Variants in TUSC3 observed in about 807,000 individuals in gnomAD.
TUSC3 encodes the protein dolichyl-diphosphooligosaccharide--protein glycosyltransferase subunit TUSC3.
Under a neutral mutation model 44.8 loss-of-function variants are expected in TUSC3, and 45 were observed. The ratio of observed to expected loss-of-function variants is 1.00; its 90% CI spans 0.79 to 1.29. The LOEUF (loss-of-function observed/expected upper bound fraction) is 1.29, where lower values mean the gene tolerates loss of function less well. Ranked by LOEUF, TUSC3 falls within the 50% of genes most tolerant of loss-of-function variation. The pLI is 0.00. For missense variants in TUSC3, 519 were observed against 437.9 expected (o/e 1.19, Z -1.65); for synonymous variants, 212 against 152.9 (o/e 1.39, Z -2.85).
chr8:15,669,771 A>G (rs897453004), intron 5 of TUSC3, among the ~76,000 whole-genome samples: 1 of 151,776 alleles, frequency 6.6e-6, no homozygotes, highest in African/African-American at 2.4e-5. Context: ...TTCCTGAGAT[A>G]AGGAATAATA....
intron 1 of TUSC3, among the ~76,000 whole-genome samples, chr8:15,447,836 C>A (rs78250693): frequency 1.3e-5 from 2 of 151,132 alleles, no homozygotes; most frequent in African/African-American, 4.9e-5. Flanking sequence ...CATGCGAGAA[C>A]CCATAAAAAC....
intron 1 of TUSC3, among the ~76,000 whole-genome samples, chr8:15,435,049 C>G (rs1170562010): frequency 6.8e-6 from 1 of 147,904 alleles, no homozygotes; most frequent in Non-Finnish European, 1.5e-5. Context: ...GGGTATATAC[C>G]CAGTAATGGG....
the TUSC3 span, among the ~76,000 whole-genome samples, chr8:15,833,205 A>G: frequency 6.6e-6 from 1 of 152,156 alleles, no homozygotes; most frequent in Non-Finnish European, 1.5e-5. Flanking sequence ...AAAGTCAAAA[A>G]ATAACAGGTG....
intron 7 of TUSC3, among the ~76,000 whole-genome samples, chr8:15,742,141 G>A (rs2129213775): frequency 6.6e-6 from 1 of 152,202 alleles, no homozygotes; most frequent in Admixed American, 6.5e-5. Context: ...TGATTGAAAG[G>A]CAGGAATTTC....
intron 1 of TUSC3, among the ~76,000 whole-genome samples, chr8:15,428,200 A>G (rs1338935355): frequency 7.2e-6 from 1 of 137,954 alleles, no homozygotes; most frequent in Non-Finnish European, 1.5e-5. Context: ...ATTCCCACCT[A>G]TGAGTGAGAA....
chr8:15,825,100 C>T, the TUSC3 span, among the ~76,000 whole-genome samples: 1 of 152,066 alleles, frequency 6.6e-6, no homozygotes, highest in Non-Finnish European at 1.5e-5. Flanking sequence ...TTCAGGTGCT[C>T]CTGATATTTA....
chr8:15,418,922 C>T (rs1175917640), intron 1 of TUSC3, among the ~76,000 whole-genome samples: 1 of 152,140 alleles, frequency 6.6e-6, no homozygotes, highest in Non-Finnish European at 1.5e-5. Context: ...AGGAGGATCA[C>T]ATGAGCCCTG....
chr8:15,543,970 T>C (rs990356476), intron 1 of TUSC3, among the ~76,000 whole-genome samples: 10 of 152,054 alleles, frequency 6.6e-5, no homozygotes, highest in Non-Finnish European at 1.2e-4. Flanking sequence ...CATACACATA[T>C]GCTTCTTCGT....
intron 1 of TUSC3, among the ~76,000 whole-genome samples, chr8:15,446,172 C>T (rs1034579201): frequency 2.9e-4 from 43 of 149,750 alleles, no homozygotes; most frequent in African/African-American, 8.2e-4. Flanking sequence ...CCAGACGGGG[C>T]ATCGGGGCAG....
intron 4 of TUSC3, 30 bp from the exon 5 acceptor site, chr8:15,662,126 A>T (rs781352586): frequency 1.2e-6 from 2 of 1,611,602 alleles, no homozygotes; most frequent in Non-Finnish European, 1.7e-6. Flanking sequence ...TTTTTCTTTC[A>T]TTTTTGAAAT....
At chr8:15,531,923 CT>C (rs1426395510) in intron 2 of TUSC3, among the ~76,000 whole-genome samples, 1 of 152,110 alleles carries the variant, frequency 6.6e-6, no homozygotes, top group Non-Finnish European at 1.5e-5. Flanking sequence ...AGGAAAGAAA[CT>C]GTCATGAAAT....
chr8:15,460,787 T>C (rs748410459), intron 1 of TUSC3, among the ~76,000 whole-genome samples: 3 of 152,128 alleles, frequency 2.0e-5, no homozygotes, highest in Non-Finnish European at 4.4e-5. Context: ...GAAAAGGGTG[T>C]CGTTTCCCCC....
chr8:15,769,645 C>G (rs1812407099), downstream of TUSC3, among the ~76,000 whole-genome samples: 1 of 152,234 alleles, frequency 6.6e-6, no homozygotes, highest in South Asian at 2.1e-4. Flanking sequence ...AACAGACAAC[C>G]TACAGAATGG....
At chr8:15,838,302 G>A in the TUSC3 span, among the ~76,000 whole-genome samples, 1 of 152,106 alleles carries the variant, frequency 6.6e-6, no homozygotes, top group Non-Finnish European at 1.5e-5. Context: ...GATTCATTTT[G>A]CACCCCATAC....
chr8:15,605,167 G>A (rs1347637637), intron 1 of TUSC3, among the ~76,000 whole-genome samples: 1 of 151,840 alleles, frequency 6.6e-6, no homozygotes, highest in East Asian at 1.9e-4. Context: ...GCTTCCAAAA[G>A]AGTAGAATCA....
the TUSC3 span, among the ~76,000 whole-genome samples, chr8:15,844,753 T>C: frequency 1.3e-5 from 2 of 152,138 alleles, no homozygotes; most frequent in Non-Finnish European, 2.9e-5. Context: ...CCTGACAATA[T>C]CTACTTTAGA....
the TUSC3 span, among the ~76,000 whole-genome samples, chr8:15,821,533 C>G: frequency 6.6e-6 from 1 of 150,914 alleles, no homozygotes; most frequent in South Asian, 2.1e-4. Flanking sequence ...CTTTCTTCTG[C>G]TTTTTTACCC....
intron 1 of TUSC3, among the ~76,000 whole-genome samples, chr8:15,462,237 A>G (rs1319413208): frequency 6.6e-6 from 1 of 152,134 alleles, no homozygotes; most frequent in Non-Finnish European, 1.5e-5. Flanking sequence ...TCACCATTCT[A>G]TGTGGCAGAG....
intron 6 of TUSC3, among the ~76,000 whole-genome samples, chr8:15,712,786 T>C (rs1426240034): frequency 6.6e-6 from 1 of 152,138 alleles, no homozygotes; most frequent in African/African-American, 2.4e-5. Flanking sequence ...TATTCTAGTC[T>C]TCACAGGTCA....
Sources: allele counts gnomAD v4.1 joint callset (sites outside exome capture counted in the v4.1 genomes callset), GRCh38; gene constraint gnomAD v4.1.1; transcripts MANE v1.5; gene names NCBI Gene and HGNC (gene_info 2026-07-23, HGNC 2026-07-21).